The following TXNDC17 variants were observed in gnomAD, a reference collection of about 807,000 sequenced individuals.
TXNDC17 encodes the protein thioredoxin domain-containing protein 17.
Under a neutral mutation model 16.3 loss-of-function variants are expected in TXNDC17, and 12 were observed. The ratio of observed to expected loss-of-function variants is 0.74; its 90% confidence interval spans 0.47 to 1.19. TXNDC17 has a LOEUF of 1.19. TXNDC17 is among the 50% of genes most tolerant of loss of function. The pLI, the probability that TXNDC17 is intolerant of heterozygous loss-of-function variation, is 0.00. For missense variants in TXNDC17, 158 were observed against 149.7 expected (o/e 1.06, Z -0.29); for synonymous variants, 62 against 55.0 (o/e 1.13, Z -0.56).
At position 6,643,999 on chromosome 17, in the gene TXNDC17, G is replaced by A. The variant is rs183289172; in HGVS notation, c.*980G>A. On this transcript the variant is annotated 3_prime_UTR_variant, in exon 4 of 4. Transcript: ENST00000250101. ...ATTCAAGAACCTTTATGCAGTTCCT[G>A]TCCTATGATTTAAAGAGGTCAGTGA... The A allele has an allele frequency of 6.0e-4, 238 of 398,898 alleles. 1 individual carries two copies. Among genetic ancestry groups the A allele is most frequent in the Non-Finnish European group, 2.2e-5 (5 of 226,442 alleles). The allele number at this position is 398,898 out of a possible 1,614,324, so 24.7% of individuals were successfully genotyped here. A position where few individuals can be genotyped will look rare whatever the true frequency, so the allele number is the denominator to read the frequency against.
chr17:6,644,245 AAAAG>A lies in TXNDC17; in HGVS notation c.*1230_*1233del, dbSNP rs1972735292. The A allele has an allele frequency of 1.8e-6, 1 of 564,874 alleles. No homozygotes were observed. Among genetic ancestry groups the A allele is most frequent in the Non-Finnish European group, 2.8e-6 (1 of 352,092 alleles). 35.0% of individuals were successfully genotyped at this position (564,874 alleles called of 1,614,324 possible). On this transcript the variant is annotated 3_prime_UTR_variant, in exon 4 of 4. Coordinates refer to ENST00000250101, the MANE Select transcript of TXNDC17 (RefSeq NM_032731.4). ...TCAGCTGATTATGCTAAATGCGTAAAAAAGAAAAACACCTTACAAATCCACAGGG... is the reference window on the plus strand; with the variant it reads ...TCAGCTGATTATGCTAAATGCGTAAAAAAAACACCTTACAAATCCACAGGG...
At chr17:6,641,904 G>T in intron 2 of TXNDC17, 70 bp downstream of exon 2, 1 of 1,354,068 alleles carries the variant, frequency 7.4e-7, no homozygotes, top group East Asian at 2.3e-5. Context: ...AGGGCCTCAG[G>T]GACTTACTTA....
chr17:6,641,311 CAG>C (rs1227917733), intron 1 of TXNDC17, 84 bp downstream of exon 1: 8 of 1,568,498 alleles, frequency 5.1e-6, no homozygotes, highest in Non-Finnish European at 6.1e-6. Flanking sequence ...TTAGCGGAGG[CAG>C]AGTCTTGGTT....
At chr17:6,642,820 A>T in intron 3 of TXNDC17, 131 bp from the exon 4 acceptor site, 1 of 677,018 alleles carries the variant, frequency 1.5e-6, no homozygotes, top group South Asian at 1.8e-5. Flanking sequence ...AAAACTTGTT[A>T]TAACTAGATG....
chr17:6,642,658 G>A (rs1468119680), intron 3 of TXNDC17: 2 of 459,196 alleles, frequency 4.4e-6, no homozygotes, highest in Non-Finnish European at 7.7e-6. Flanking sequence ...ATGCCCCTGG[G>A]ATCCTAAATT....
rs1167555742 is a variant in TXNDC17 at position 6,644,490 on chromosome 17, G to T, written c.*1471G>T. 6.2e-7 allele frequency: 1 copy of T among 1,603,952 alleles called. No homozygotes were observed. The highest frequency in any genetic ancestry group is 1.7e-5 in the Admixed American group (1 of 57,218). ...TTTCATTTTCCCGATGTGTTATTTTGCTGTTGCTGCTCTGCCAAGGCTTGC... is the reference window on the plus strand; with the variant it reads ...TTTCATTTTCCCGATGTGTTATTTTTCTGTTGCTGCTCTGCCAAGGCTTGC... On this transcript the variant is annotated 3_prime_UTR_variant, in exon 4 of 4. Coordinates refer to ENST00000250101, the MANE Select transcript of TXNDC17 (RefSeq NM_032731.4).
In TXNDC17 at chr17:6,643,254, C is replaced by A. The variant is rs903533986; in HGVS notation, c.*235C>A. Reference sequence around the variant, plus strand: ...CAGTAAAGGCTCAAAGGAACGTATTCTTGAAGGTGACGGAAATACCTAAAA... The same window carrying A: ...CAGTAAAGGCTCAAAGGAACGTATTATTGAAGGTGACGGAAATACCTAAAA... On this transcript the variant is annotated 3_prime_UTR_variant, in exon 4 of 4. Coordinates refer to ENST00000250101, the MANE Select transcript of TXNDC17 (RefSeq NM_032731.4). 1 of 409,070 alleles carries A rather than the reference C, an allele frequency of 2.4e-6. No individual in the cohort carries two copies. Among genetic ancestry groups the A allele is most frequent in the Middle Eastern group, 6.8e-4 (1 of 1,474 alleles). The allele number at this position is 409,070 out of a possible 1,614,324, so 25.3% of individuals were successfully genotyped here.
intron 1 of TXNDC17, 157 bp downstream of exon 1, chr17:6,641,384 G>A: frequency 9.1e-7 from 1 of 1,096,606 alleles, no homozygotes; most frequent in Non-Finnish European, 1.3e-6. Context: ...ATCCTACCCC[G>A]CCCTGCCAAG....
chr17:6,644,438 T>C lies in TXNDC17; in HGVS notation c.*1419T>C. 1 of 1,560,118 alleles carries C rather than the reference T, an allele frequency of 6.4e-7. No homozygotes were observed. The highest frequency in any genetic ancestry group is 1.2e-5 in the South Asian group (1 of 80,830). ...ACAAAAGAAATACATTATATACATGTATTAAGTGCCTCGTTTGTATCCAGT... is the reference window on the plus strand; with the variant it reads ...ACAAAAGAAATACATTATATACATGCATTAAGTGCCTCGTTTGTATCCAGT... On this transcript the variant is annotated 3_prime_UTR_variant, in exon 4 of 4. Transcript: ENST00000250101.
rs751770765 is a variant in TXNDC17, at chr17:6,641,064, G to C, written c.-19G>C. ...CGACCGGACGTGCACTCCTCCAGTAGCGGCTGCACGTCGTGCCAATGGCCC... is the reference window on the plus strand; with the variant it reads ...CGACCGGACGTGCACTCCTCCAGTACCGGCTGCACGTCGTGCCAATGGCCC... On this transcript the variant is annotated 5_prime_UTR_variant, in exon 1 of 4. Transcript: ENST00000250101. The C allele has an allele frequency of 1.7e-5, 27 of 1,609,216 alleles. No homozygotes were observed. Among genetic ancestry groups the C allele is most frequent in the Non-Finnish European group, 2.3e-5 (27 of 1,178,598 alleles).
At position 6,644,493 on chromosome 17, in the gene TXNDC17, G is replaced by A; in HGVS notation, c.*1474G>A. On this transcript the variant is annotated 3_prime_UTR_variant, in exon 4 of 4. Coordinates refer to ENST00000250101, the MANE Select transcript of TXNDC17 (RefSeq NM_032731.4). ...CATTTTCCCGATGTGTTATTTTGCT[G>A]TTGCTGCTCTGCCAAGGCTTGCTGA... The A allele has an allele frequency of 4.4e-6, 7 of 1,605,692 alleles. No individual in the cohort carries two copies. The highest frequency in any genetic ancestry group is 5.9e-6 in the Non-Finnish European group (7 of 1,177,058).
rs1228068430 is a variant in TXNDC17 at position 6,642,944 on chromosome 17, C to CT, written c.304-5dup. The CT allele has an allele frequency of 5.0e-6, 8 of 1,611,540 alleles. No individual in the cohort carries two copies. The highest frequency in any genetic ancestry group is 6.8e-6 in the Non-Finnish European group (8 of 1,178,014). ...GTAGTGAAGATTTGACTGTTTTTCT[C>CT]TTACAGCCTCAAAAACTGGTAGAAT... On this transcript the variant is annotated splice_region_variant and splice_polypyrimidine_tract_variant and intron_variant, in intron 3 of 3. Transcript: ENST00000250101.
At position 6,643,180 on chromosome 17, in the gene TXNDC17, C is replaced by A; in HGVS notation, c.*161C>A. ...AAAATGCCCATGAACCTTTAGTTTG[C>A]CTGTAATACATGGATATTTTTAAGA... On this transcript the variant is annotated 3_prime_UTR_variant, in exon 4 of 4. Transcript: ENST00000250101. The A allele has an allele frequency of 1.7e-6, 1 of 576,512 alleles. No individual in the cohort carries two copies. Among genetic ancestry groups the A allele is most frequent in the Non-Finnish European group, 3.1e-6 (1 of 327,704 alleles). 35.7% of individuals were successfully genotyped at this position (576,512 alleles called of 1,614,324 possible). A position where few individuals can be genotyped will look rare whatever the true frequency, so the allele number is the denominator to read the frequency against.
Position 6,641,247 on chromosome 17 carries a change from G to T in TXNDC17, c.145+20G>T. 6.2e-7 allele frequency: 1 copy of T among 1,612,538 alleles called. No homozygotes were observed. ...TGCAGGGTGAGGCCGGGATTCGGGG[G>T]CTGCTGTCCAATGGAAATGGCAGGA... On this transcript the variant is annotated intron_variant, in intron 1 of 3. Transcript: ENST00000250101.
intron 1 of TXNDC17, 99 bp downstream of exon 1, chr17:6,641,326 A>G (rs1030133155): frequency 6.5e-6 from 10 of 1,537,364 alleles, no homozygotes; most frequent in Non-Finnish European, 8.8e-6. Context: ...TCTTGGTTCC[A>G]GACATCCGCG....
Position 6,642,309 on chromosome 17 carries a change from A to G in TXNDC17, c.288A>G (p.Leu96=), listed in dbSNP as rs1224860714. ...TGAAAGTAACAGCAGTGCCTACACT[A>G]CTTAAGTATGGAACAGTAAGTATCT... ...KNLKVTAVPT[L]LKYGTPQKLV... Residue 96 remains leucine (L), a synonymous_variant, in exon 3 of 4, where the codon CTA becomes CTG. Coordinates refer to ENST00000250101, the MANE Select transcript of TXNDC17 (RefSeq NM_032731.4). The G allele has an allele frequency of 1.2e-6, 2 of 1,607,478 alleles. No homozygotes were observed. The highest frequency in any genetic ancestry group is 1.7e-6 in the Non-Finnish European group (2 of 1,175,438).
At position 6,644,534 on chromosome 17, in the gene TXNDC17, C is replaced by T. The variant is rs761168683; in HGVS notation, c.*1515C>T. On this transcript the variant is annotated 3_prime_UTR_variant, in exon 4 of 4. Coordinates refer to ENST00000250101, the MANE Select transcript of TXNDC17 (RefSeq NM_032731.4). The stretch of plus-strand genomic sequence containing the variant: ...GGCTTGCTGAAGGCGCATCCGCTTC[C>T]GGGAATAGTGCTGCCAATGTAGAAT... 7 of 1,613,218 alleles carry T rather than the reference C, an allele frequency of 4.3e-6. No homozygotes were observed. The highest frequency in any genetic ancestry group is 4.5e-5 in the East Asian group (2 of 44,868).
At position 6,644,534 on chromosome 17, in the gene TXNDC17, C is replaced by A; in HGVS notation, c.*1515C>A. The A allele has an allele frequency of 6.2e-7, 1 of 1,613,218 alleles. No individual in the cohort carries two copies. The highest frequency in any genetic ancestry group is 8.5e-7 in the Non-Finnish European group (1 of 1,179,820). On this transcript the variant is annotated 3_prime_UTR_variant, in exon 4 of 4. Transcript: ENST00000250101. ...GGCTTGCTGAAGGCGCATCCGCTTC[C>A]GGGAATAGTGCTGCCAATGTAGAAT...
Position 6,641,746 on chromosome 17 carries a change from T to C in TXNDC17, c.146-7T>C. ...GTGCGATTATTTTATCTCAACTTTT[T>C]TTAAAGCTGAACCAGTCGTACGAGA... is the stretch of plus-strand genomic sequence containing the variant. On this transcript the variant is annotated splice_polypyrimidine_tract_variant and splice_region_variant and intron_variant, in intron 1 of 3. Transcript: ENST00000250101. 6.2e-7 allele frequency: 1 copy of C among 1,614,000 alleles called. No individual in the cohort carries two copies. Among genetic ancestry groups the C allele is most frequent in the Non-Finnish European group, 8.5e-7 (1 of 1,179,878 alleles).
Sources: gnomAD v4.1 joint callset for allele counts on GRCh38, gnomAD v4.1.1 for gene constraint, MANE v1.5 for transcripts, NCBI Gene and HGNC (gene_info 2026-07-23, HGNC 2026-07-21) for gene names.